Variants in RBM18 observed in about 807,000 individuals in gnomAD.
RBM18 encodes RNA binding motif protein 18.
A neutral mutation model predicts 26.4 loss-of-function variants in RBM18; 18 were observed. The observed-to-expected ratio is 0.68, with a 90% CI of 0.47 to 1.01. The LOEUF (loss-of-function observed/expected upper bound fraction) is 1.01, where lower values mean the gene tolerates loss of function less well. Ranked by LOEUF, RBM18 falls within the 50% of genes least tolerant of loss-of-function variation. The pLI, the probability that RBM18 is intolerant of heterozygous loss-of-function variation, is 0.00. For missense variants in RBM18, 180 were observed against 219.2 expected (o/e 0.82, Z 1.13); for synonymous variants, 74 against 81.1 (o/e 0.91, Z 0.47).
At position 122,249,048 on chromosome 9, in the gene RBM18, T is replaced by C. The variant is rs73663058; in HGVS notation, c.241-1444A>G. ...GCTTCATTTGGTGAATGAGAACTCA[T>C]AGAGCACTCTATTAGTTCCAAAGTA... On this transcript the variant is annotated intron_variant, in intron 3 of 5. Coordinates refer to ENST00000417201, the MANE Select transcript of RBM18 (RefSeq NM_033117.4). Among the ~76,000 whole-genome samples the C allele has an allele frequency of 5.1e-3, 776 of 152,354 alleles. 11 individuals carry two copies. Among genetic ancestry groups the C allele is most frequent in the African/African-American group, 0.018 (745 of 41,582 alleles).
At chr9:122,245,720 G>A (rs1428339453) in intron 4 of RBM18, among the ~76,000 whole-genome samples, 1 of 152,032 alleles carries the variant, frequency 6.6e-6, no homozygotes, top group Non-Finnish European at 1.5e-5. Flanking sequence ...GCTCACGCCT[G>A]TAATCCCAGC....
chr9:122,252,301 T>C (rs1207347351), intron 2 of RBM18, among the ~76,000 whole-genome samples: 1 of 152,274 alleles, frequency 6.6e-6, no homozygotes, highest in African/African-American at 2.4e-5. Context: ...TGTTGATTTA[T>C]TTATTTTTAA....
At position 122,261,525 on chromosome 9, in the gene RBM18, C is replaced by T; in HGVS notation, c.-16-17G>A. 5 of 1,470,242 alleles carry T rather than the reference C, an allele frequency of 3.4e-6. No individual in the cohort carries two copies. The highest frequency in any genetic ancestry group is 4.8e-6 in the Non-Finnish European group (5 of 1,048,760). 91.1% of individuals were successfully genotyped at this position (1,470,242 alleles called of 1,614,324 possible). A position where few individuals can be genotyped will look rare whatever the true frequency, so the allele number is the denominator to read the frequency against. On this transcript the variant is annotated splice_polypyrimidine_tract_variant and intron_variant, in intron 1 of 5. Transcript: ENST00000417201. ...TATGAAATACTAAAGGAAATGTGAACATTCAGGCAGGAGGGGAGTAACAAT... is the reference window on the plus strand; with the variant it reads ...TATGAAATACTAAAGGAAATGTGAATATTCAGGCAGGAGGGGAGTAACAAT...
chr9:122,251,772 G>A, intron 3 of RBM18, 75 bp downstream of exon 3: 1 of 1,413,330 alleles, frequency 7.1e-7, no homozygotes, highest in Non-Finnish European at 9.9e-7. Context: ...TGCTATTCTA[G>A]TAGGCAAGAG....
At chr9:122,251,714 G>T in intron 3 of RBM18, 133 bp downstream of exon 3, 1 of 751,696 alleles carries the variant, frequency 1.3e-6, no homozygotes, top group Non-Finnish European at 2.2e-6. Flanking sequence ...ATAGGACTCA[G>T]TGTAAGGCAC....
intron 2 of RBM18, among the ~76,000 whole-genome samples, chr9:122,260,377 A>C (rs1010981069): frequency 3.3e-5 from 5 of 152,078 alleles, no homozygotes; most frequent in Admixed American, 6.5e-5. Context: ...AACAAACAAA[A>C]AAACTGGCTT....
chr9:122,241,029 CATGAT>C lies in RBM18; in HGVS notation c.*850_*854del, dbSNP rs1469532270. 3.3e-5 allele frequency: 5 copies of C among 152,040 alleles called. No homozygotes were observed. Among genetic ancestry groups the C allele is most frequent in the African/African-American group, 1.2e-4 (5 of 41,400 alleles). 9.4% of individuals were successfully genotyped at this position (152,040 alleles called of 1,614,324 possible). A position where few individuals can be genotyped will look rare whatever the true frequency, so the allele number is the denominator to read the frequency against. ...TTTTGCTTTTTCTATTTAGACTGAC[CATGAT>C]ATAATTCCAAACAGAACATTCTCAT... On this transcript the variant is annotated 3_prime_UTR_variant, in exon 6 of 6. Transcript: ENST00000417201.
At chr9:122,249,994 C>G (rs1441348285) in intron 3 of RBM18, among the ~76,000 whole-genome samples, 2 of 141,908 alleles carry the variant, frequency 1.4e-5, no homozygotes, top group African/African-American at 5.2e-5. Context: ...TCACTTGAAC[C>G]CAGAGGTCAA....
intron 2 of RBM18, among the ~76,000 whole-genome samples, chr9:122,258,908 CA>C (rs11453707): frequency 0.12 from 12,761 of 109,146 alleles, 484 homozygotes; most frequent in South Asian, 0.18. Flanking sequence ...ACAGAGCTGT[CA>C]AAAAAAAAAA....
chr9:122,261,481 T>A lies in RBM18; in HGVS notation c.12A>T (p.Glu4Asp), dbSNP rs755712347. ...CATTCTCCAGGGGAAGAGTTTTGGT[T>A]TCTGCTTCCATCAATGTCTATGAAA... MEAETKTLPLENAS... is the reference protein window; with the variant it reads MEADTKTLPLENAS... Residue 4 changes from glutamate to aspartate, a missense_variant, in exon 2 of 6, where the codon GAA (glutamate) becomes GAT (aspartate). Glu to Asp is a conservative substitution (Grantham distance 45). Transcript: ENST00000417201. The A allele has an allele frequency of 6.2e-7, 1 of 1,612,826 alleles. No individual in the cohort carries two copies. Among genetic ancestry groups the A allele is most frequent in the East Asian group, 2.2e-5 (1 of 44,876 alleles).
At chr9:122,244,436 G>A (rs1173076221) in intron 5 of RBM18, among the ~76,000 whole-genome samples, 1 of 152,180 alleles carries the variant, frequency 6.6e-6, no homozygotes, top group African/African-American at 2.4e-5. Flanking sequence ...ACAGGTTTTA[G>A]TCCTGCATTT....
chr9:122,251,282 G>GT (rs1399906618), intron 3 of RBM18, among the ~76,000 whole-genome samples: 1 of 152,124 alleles, frequency 6.6e-6, no homozygotes, highest in Non-Finnish European at 1.5e-5. Flanking sequence ...TCTACATTTA[G>GT]TAACAATCAA....
intron 1 of RBM18, among the ~76,000 whole-genome samples, chr9:122,262,432 T>C (rs1831814471): frequency 6.6e-6 from 1 of 152,198 alleles, no homozygotes; most frequent in Non-Finnish European, 1.5e-5. Flanking sequence ...CAATTAATGT[T>C]AGCTTAAATT....
At chr9:122,249,961 C>T (rs544336064) in intron 3 of RBM18, among the ~76,000 whole-genome samples, 1 of 149,874 alleles carries the variant, frequency 6.7e-6, no homozygotes, top group African/African-American at 2.4e-5. Flanking sequence ...GTCCCAGCTA[C>T]TGCAGAGGCT....
chr9:122,243,133 T>C (rs1348025568), intron 5 of RBM18, among the ~76,000 whole-genome samples: 1 of 152,076 alleles, frequency 6.6e-6, no homozygotes, highest in Admixed American at 6.6e-5. Flanking sequence ...CAGCCCCATC[T>C]GATTTTTTTA....
chr9:122,245,706 G>A lies in RBM18; in HGVS notation c.328-365C>T, dbSNP rs562996903. ...AAAATACTTTAAACTGGCCAGGCGC[G>A]GTGGCTCACGCCTGTAATCCCAGCA... On this transcript the variant is annotated intron_variant, in intron 4 of 5. Transcript: ENST00000417201. Among the ~76,000 whole-genome samples the A allele has an allele frequency of 3.3e-5, 5 of 151,998 alleles. No homozygotes were observed. The South Asian group carries it at 6.2e-4, about 19-fold the overall frequency.
intron 2 of RBM18, among the ~76,000 whole-genome samples, chr9:122,253,831 G>C (rs753085486): frequency 4.0e-5 from 6 of 151,624 alleles, no homozygotes; most frequent in Non-Finnish European, 7.4e-5. Flanking sequence ...TTCGAGACCA[G>C]CCTGACTAAC....
chr9:122,250,240 A>G lies in RBM18; in HGVS notation c.240+1607T>C, dbSNP rs994606464. Among the ~76,000 whole-genome samples the G allele has an allele frequency of 8.5e-5, 13 of 152,300 alleles. 1 individual carries two copies. The highest frequency in any genetic ancestry group is 6.5e-4 in the Admixed American group (10 of 15,296). ...CAAGGAGAAATGACACTACCATACAATCTCAGAACATACTGATATATCATT... is the reference window on the plus strand; with the variant it reads ...CAAGGAGAAATGACACTACCATACAGTCTCAGAACATACTGATATATCATT... On this transcript the variant is annotated intron_variant, in intron 3 of 5. Transcript: ENST00000417201.
At chr9:122,263,804 A>G (rs1831884591) in intron 1 of RBM18, among the ~76,000 whole-genome samples, 1 of 152,086 alleles carries the variant, frequency 6.6e-6, no homozygotes, top group Non-Finnish European at 1.5e-5. Context: ...TTACCACGAA[A>G]AGGTACCATG....
Sources: allele counts gnomAD v4.1 joint callset (sites outside exome capture counted in the v4.1 genomes callset), GRCh38; gene constraint gnomAD v4.1.1; transcripts MANE v1.5; gene names NCBI Gene and HGNC (gene_info 2026-07-23, HGNC 2026-07-21).